The following LRRC4C variants were observed in gnomAD, a reference collection of about 807,000 sequenced individuals.
LRRC4C encodes the protein leucine rich repeat containing 4C.
Under a neutral mutation model 33.6 loss-of-function variants are expected in LRRC4C, and 5 were observed. The observed-to-expected ratio is 0.15, with a 90% CI of 0.08 to 0.31. LRRC4C has a LOEUF of 0.31. LRRC4C is among the 10% of genes least tolerant of loss of function. LRRC4C has a pLI of 1.00. For missense variants in LRRC4C, 560 were observed against 796.7 expected (o/e 0.70, Z 3.58); for synonymous variants, 329 against 302.0 (o/e 1.09, Z -0.93).
intron 3 of LRRC4C, among the ~76,000 whole-genome samples, chr11:40,360,458 G>A (rs966295904): frequency 5.9e-5 from 9 of 152,160 alleles, no homozygotes; most frequent in South Asian, 2.1e-4. Context: ...ACTCTGCTGC[G>A]TGCACAGAAA....
At chr11:40,587,790 G>A (rs928339762) in intron 3 of LRRC4C, among the ~76,000 whole-genome samples, 2,542 of 152,038 alleles carry the variant, frequency 0.017, 88 homozygotes, top group African/African-American at 0.057. Context: ...ATTGATTTGC[G>A]TATATTGAAC....
chr11:40,257,976 T>C (rs1022281110), intron 4 of LRRC4C, among the ~76,000 whole-genome samples: 2 of 152,194 alleles, frequency 1.3e-5, no homozygotes, highest in Admixed American at 1.3e-4. Context: ...GGGTAGAACA[T>C]CCACAGGGTA....
intron 2 of LRRC4C, among the ~76,000 whole-genome samples, chr11:40,711,493 G>T (rs1223897366): frequency 1.6e-4 from 24 of 152,218 alleles, no homozygotes; most frequent in Non-Finnish European, 1.3e-4. Context: ...TCAGGTTATG[G>T]TAGAGAGACT....
At chr11:40,263,704 T>G (rs1166967527) in intron 4 of LRRC4C, among the ~76,000 whole-genome samples, 1 of 152,204 alleles carries the variant, frequency 6.6e-6, no homozygotes, top group Non-Finnish European at 1.5e-5. Flanking sequence ...AGACACTTGA[T>G]TCTCCTTTCT....
At chr11:41,195,553 C>T (rs1303165909) in intron 1 of LRRC4C, among the ~76,000 whole-genome samples, 1 of 151,960 alleles carries the variant, frequency 6.6e-6, no homozygotes, top group Non-Finnish European at 1.5e-5. Flanking sequence ...ATATTTCCCC[C>T]CCCAAATTAT....
intron 1 of LRRC4C, among the ~76,000 whole-genome samples, chr11:41,294,735 A>ATAAAT (rs1413666732): frequency 6.6e-6 from 1 of 152,192 alleles, no homozygotes; most frequent in Non-Finnish European, 1.5e-5. Flanking sequence ...TGGTTTTACA[A>ATAAAT]GTTTCATAAT....
chr11:40,829,825 CCT>C (rs1952331275), intron 2 of LRRC4C, among the ~76,000 whole-genome samples: 1 of 151,920 alleles, frequency 6.6e-6, no homozygotes, highest in African/African-American at 2.4e-5. Context: ...TAGTGTAATT[CCT>C]GTGTTTAGGA....
intron 4 of LRRC4C, among the ~76,000 whole-genome samples, chr11:40,308,707 A>T (rs1452460): frequency 0.97 from 147,914 of 152,266 alleles, 71,984 homozygotes; most frequent in Non-Finnish European, 1. Context: ...GCCAAAATGA[A>T]GGAAGGTGAA....
chr11:41,428,265 A>G (rs1006728287), intron 1 of LRRC4C, among the ~76,000 whole-genome samples: 3 of 152,086 alleles, frequency 2.0e-5, no homozygotes, highest in Non-Finnish European at 4.4e-5. Context: ...TATGTTTCTA[A>G]TTTTCATTTC....
intron 2 of LRRC4C, among the ~76,000 whole-genome samples, chr11:40,649,652 A>G (rs922747979): frequency 2.7e-4 from 41 of 152,158 alleles, no homozygotes; most frequent in African/African-American, 9.9e-4. Flanking sequence ...AGAGTAAAGT[A>G]AAGACAGGCA....
intron 4 of LRRC4C, among the ~76,000 whole-genome samples, chr11:40,254,438 T>C (rs1300989395): frequency 6.6e-6 from 1 of 152,200 alleles, no homozygotes; most frequent in Non-Finnish European, 1.5e-5. Context: ...TGTACATTTC[T>C]CTGCACATGG....
intron 1 of LRRC4C, among the ~76,000 whole-genome samples, chr11:41,132,248 C>T (rs1489290251): frequency 6.6e-6 from 1 of 151,892 alleles, no homozygotes; most frequent in Non-Finnish European, 1.5e-5. Flanking sequence ...TTTGTGGATG[C>T]TGAGTTTTGG....
chr11:40,662,697 G>C (rs1943507665), intron 2 of LRRC4C, among the ~76,000 whole-genome samples: 1 of 152,196 alleles, frequency 6.6e-6, no homozygotes, highest in Non-Finnish European at 1.5e-5. Flanking sequence ...CAGGGCTCTA[G>C]AATCAGAAGA....
chr11:41,182,276 C>T (rs1945486583), intron 1 of LRRC4C, among the ~76,000 whole-genome samples: 1 of 152,140 alleles, frequency 6.6e-6, no homozygotes, highest in Admixed American at 6.6e-5. Flanking sequence ...TGTGTTCACT[C>T]ATGTGATTGT....
At chr11:40,619,127 A>G (rs965049115) in intron 3 of LRRC4C, among the ~76,000 whole-genome samples, 7 of 151,754 alleles carry the variant, frequency 4.6e-5, no homozygotes, top group African/African-American at 1.7e-4. Context: ...GGGTAGAAGA[A>G]TGGTTACTAG....
chr11:41,105,950 G>T (rs1415152318), intron 1 of LRRC4C, among the ~76,000 whole-genome samples: 1 of 151,946 alleles, frequency 6.6e-6, no homozygotes, highest in East Asian at 1.9e-4. Context: ...CTGAATAAAA[G>T]AATCATTACA....
chr11:40,864,446 C>T (rs1043517393), intron 2 of LRRC4C, among the ~76,000 whole-genome samples: 1 of 152,210 alleles, frequency 6.6e-6, no homozygotes, highest in Non-Finnish European at 1.5e-5. Context: ...ACATACTACA[C>T]TTGTCAACTC....
intron 3 of LRRC4C, among the ~76,000 whole-genome samples, chr11:40,531,064 C>T (rs1485041147): frequency 6.6e-6 from 1 of 152,080 alleles, no homozygotes; most frequent in Non-Finnish European, 1.5e-5. Context: ...CAGTAAATGT[C>T]AGTGGGTGAC....
At chr11:40,595,380 G>A (rs1959211938) in intron 3 of LRRC4C, among the ~76,000 whole-genome samples, 2 of 152,068 alleles carry the variant, frequency 1.3e-5, no homozygotes, top group Admixed American at 1.3e-4. Context: ...ACTCAGAGGA[G>A]TGAGTCTACC....
Sources: allele counts gnomAD v4.1 joint callset (sites outside exome capture counted in the v4.1 genomes callset), GRCh38; gene constraint gnomAD v4.1.1; transcripts MANE v1.5; gene names NCBI Gene and HGNC (gene_info 2026-07-23, HGNC 2026-07-21).